Variants in KDM4C observed in about 807,000 individuals in gnomAD.
KDM4C encodes the protein lysine-specific demethylase 4C.
Under a neutral mutation model 129.3 loss-of-function variants are expected in KDM4C, and 81 were observed. The observed-to-expected ratio is 0.63, with a 90% CI of 0.52 to 0.75. KDM4C has a LOEUF of 0.75. Ranked by LOEUF, KDM4C falls within the 30% of genes least tolerant of loss-of-function variation. The pLI is 0.00. For synonymous variants in KDM4C, 573 were observed against 456.1 expected (o/e 1.26, Z -3.26); for missense variants, 1,457 against 1,304.0 (o/e 1.12, Z -1.81).
chr9:6,806,990 A>C (rs1184104107), intron 3 of KDM4C, among the ~76,000 whole-genome samples: 2 of 150,786 alleles, frequency 1.3e-5, no homozygotes, highest in African/African-American at 4.9e-5. Context: ...GCTCACTGCA[A>C]CCTCCCTGCC....
At chr9:6,737,245 C>CAACCTACAG (rs1817552693) in intron 1 of KDM4C, among the ~76,000 whole-genome samples, 1 of 151,946 alleles carries the variant, frequency 6.6e-6, no homozygotes, top group South Asian at 2.1e-4. Flanking sequence ...AATAAAAAGA[C>CAACCTACAG]AACCTACAGA....
intron 19 of KDM4C, among the ~76,000 whole-genome samples, chr9:7,133,702 A>T (rs1366371029): frequency 6.6e-6 from 1 of 152,316 alleles, no homozygotes; most frequent in South Asian, 2.1e-4. Context: ...GAAAACACAG[A>T]TCCAGTAGGA....
chr9:6,961,906 G>C (rs937696074), intron 8 of KDM4C, among the ~76,000 whole-genome samples: 1 of 152,122 alleles, frequency 6.6e-6, no homozygotes, highest in African/African-American at 2.4e-5. Context: ...CAGTTTCTGT[G>C]TACTACTGAA....
chr9:7,049,301 G>T, intron 17 of KDM4C, 101 bp downstream of exon 17: 1 of 531,268 alleles, frequency 1.9e-6, no homozygotes, highest in Non-Finnish European at 3.3e-6. Context: ...TTTTCTCCTA[G>T]CTTTCTTTTA....
chr9:7,051,355 C>T (rs748595758), intron 17 of KDM4C, among the ~76,000 whole-genome samples: 10 of 152,138 alleles, frequency 6.6e-5, no homozygotes, highest in Non-Finnish European at 1.3e-4. Flanking sequence ...CACTGCAGTC[C>T]AGTGTCTGTG....
chr9:7,144,235 G>A (rs572976072), intron 19 of KDM4C, among the ~76,000 whole-genome samples: 4 of 152,106 alleles, frequency 2.6e-5, no homozygotes, highest in Admixed American at 2.6e-4. Context: ...GGAGGCCAAG[G>A]TGAGAGAGAT....
chr9:7,014,125 A>T lies in KDM4C; in HGVS notation c.2182+124A>T, dbSNP rs557002667. 114 of 702,428 alleles carry T rather than the reference A, an allele frequency of 1.6e-4. 1 individual carries two copies. The East Asian group carries it at 2.8e-3, about 17-fold the overall frequency. The allele number at this position is 702,428 out of a possible 1,614,324, so 43.5% of individuals were successfully genotyped here. ...TATTGGCATTCTTAATGGTTATATC[A>T]TTCTTTTTCATATTTCTGCTGGTAA... On this transcript the variant is annotated intron_variant, in intron 14 of 21. Transcript: ENST00000381309.
chr9:6,782,204 C>T (rs1282067247), intron 1 of KDM4C, among the ~76,000 whole-genome samples: 1 of 152,056 alleles, frequency 6.6e-6, no homozygotes. Context: ...GTGTGGAGTG[C>T]CGAGAGCATT....
intron 8 of KDM4C, among the ~76,000 whole-genome samples, chr9:6,900,204 T>TA (rs1365073785): frequency 2.0e-5 from 3 of 152,206 alleles, no homozygotes; most frequent in African/African-American, 4.8e-5. Context: ...TCCTATATCT[T>TA]ACGTTGAATT....
chr9:7,150,444 A>G (rs911591198), intron 19 of KDM4C, among the ~76,000 whole-genome samples: 8 of 152,356 alleles, frequency 5.3e-5, no homozygotes, highest in Admixed American at 3.9e-4. Flanking sequence ...AGTCACACAC[A>G]GTGCCTTGTA....
intron 17 of KDM4C, among the ~76,000 whole-genome samples, chr9:7,092,968 C>G (rs752067217): frequency 6.6e-6 from 1 of 152,048 alleles, no homozygotes; most frequent in Non-Finnish European, 1.5e-5. Flanking sequence ...TAAAGTGTGG[C>G]CTAGCATCCA....
intron 15 of KDM4C, among the ~76,000 whole-genome samples, chr9:7,034,475 G>A (rs1363956600): frequency 6.6e-6 from 1 of 152,064 alleles, no homozygotes; most frequent in Non-Finnish European, 1.5e-5. Flanking sequence ...TCTGTTCCTG[G>A]CTTATTTCGC....
intron 15 of KDM4C, among the ~76,000 whole-genome samples, chr9:7,021,568 T>C (rs922443568): frequency 3.9e-5 from 6 of 152,258 alleles, no homozygotes; most frequent in Admixed American, 3.9e-4. Flanking sequence ...ATTACTCCTT[T>C]GTCAGATGGG....
Position 7,018,466 on chromosome 9 carries a change from T to TA in KDM4C, c.2259+2538dup, listed in dbSNP as rs1311715360. Among the ~76,000 whole-genome samples, 10 of 151,766 alleles carry TA rather than the reference T, an allele frequency of 6.6e-5. No homozygotes were observed. In the Admixed American group the frequency reaches 6.6e-4, roughly 10 times the overall value. ...TGACCATACAAATATATCAAGCTCT[T>TA]ATTTATTATATAGGTCCTATTCCTA... On this transcript the variant is annotated intron_variant, in intron 15 of 21. Coordinates refer to ENST00000381309, the MANE Select transcript of KDM4C (RefSeq NM_015061.6).
intron 1 of KDM4C, among the ~76,000 whole-genome samples, chr9:6,772,668 TTTTC>T (rs1563970434): frequency 6.7e-6 from 1 of 149,812 alleles, no homozygotes; most frequent in East Asian, 2.0e-4. Flanking sequence ...GCACAGATTA[TTTTC>T]TTTGATTTTT....
intron 15 of KDM4C, among the ~76,000 whole-genome samples, chr9:7,030,983 TAAAG>T (rs1264383619): frequency 5.3e-5 from 8 of 152,128 alleles, no homozygotes; most frequent in African/African-American, 1.2e-4. Flanking sequence ...TGCAGAATCA[TAAAG>T]AAAGTTGTAT....
intron 17 of KDM4C, among the ~76,000 whole-genome samples, chr9:7,072,667 A>G (rs1833367034): frequency 1.3e-5 from 2 of 152,322 alleles, no homozygotes; most frequent in East Asian, 3.9e-4. Context: ...TGCTGATGGC[A>G]CTGTGGTGTA....
At chr9:6,986,311 T>A (rs868354405) in intron 10 of KDM4C, 33 bp from the exon 11 acceptor site, 1 of 1,463,820 alleles carries the variant, frequency 6.8e-7, no homozygotes, top group Middle Eastern at 1.9e-4. Context: ...ATACAGTGCA[T>A]GATTTATTAA....
At chr9:7,034,505 T>G (rs905832386) in intron 15 of KDM4C, among the ~76,000 whole-genome samples, 1 of 152,210 alleles carries the variant, frequency 6.6e-6, no homozygotes, top group Non-Finnish European at 1.5e-5. Context: ...TCCAGTTCCT[T>G]CCATGTTGTT....
Sources: gnomAD v4.1 joint callset for allele counts (sites outside exome capture counted in the v4.1 genomes callset) on GRCh38, gnomAD v4.1.1 for gene constraint, MANE v1.5 for transcripts, NCBI Gene and HGNC (gene_info 2026-07-23, HGNC 2026-07-21) for gene names.